PIK3C2B: variants seen among roughly 807,000 people sequenced by gnomAD.
The protein encoded by PIK3C2B is phosphatidylinositol 4-phosphate 3-kinase C2 domain-containing subunit beta.
PIK3C2B carries 83 observed loss-of-function variants against 184.3 expected under a neutral mutation model. That is an observed-to-expected ratio of 0.45 (90% CI 0.38 to 0.54). PIK3C2B has a LOEUF of 0.54. Among genes scored for constraint, PIK3C2B ranks in the 20% least tolerant of loss-of-function variants. The probability of loss-of-function intolerance (pLI) is 0.00; values close to 1 mark genes in which losing one functional copy is unlikely to be tolerated. For synonymous variants in PIK3C2B, 779 were observed against 837.6 expected (o/e 0.93, Z 1.21); for missense variants, 1,736 against 2,113.5 (o/e 0.82, Z 3.50).
chr1:204,447,552 G>T lies in PIK3C2B; in HGVS notation c.2373C>A (p.Asp791Glu). Reference protein sequence around the residue: ...LQIDFPTSAFDIKFTSPPGDK... With the variant: ...LQIDFPTSAFEIKFTSPPGDK... ...CTCCAGGGGGGCTGGTGAACTTGAT[G>T]TCAAAGGCCGAGGTGGGGAAGTCAA... The change falls in exon 15 of 33, where the codon GAC becomes GAA. Residue 791 changes from aspartate (D) to glutamate (E), a missense_variant. Asp to Glu is a conservative substitution (Grantham distance 45, BLOSUM62 2). Transcript: ENST00000684373. This position sits in a 1 kb window ranked among gnomAD's most constrained non-coding sequence, Gnocchi z 4.1. 1 of 1,611,472 alleles carries T rather than the reference G, an allele frequency of 6.2e-7. No homozygotes were observed. Among genetic ancestry groups the T allele is most frequent in the Non-Finnish European group, 8.5e-7 (1 of 1,178,988 alleles).
chr1:204,461,586 C>A (rs1049723044), intron 5 of PIK3C2B, among the ~76,000 whole-genome samples: 1 of 152,146 alleles, frequency 6.6e-6, no homozygotes, highest in Non-Finnish European at 1.5e-5. Flanking sequence ...TAAAAGCTGG[C>A]GGAGGTGCAG....
chr1:204,422,819 A>C lies in PIK3C2B; in HGVS notation c.*2033T>G. 1 of 152,456 alleles carries C rather than the reference A, an allele frequency of 6.6e-6. No homozygotes were observed. The highest frequency in any genetic ancestry group is 2.1e-4 in the South Asian group (1 of 4,806). The allele number at this position is 152,456 out of a possible 1,614,324, so 9.4% of individuals were successfully genotyped here. A position where few individuals can be genotyped will look rare whatever the true frequency, so the allele number is the denominator to read the frequency against. On this transcript the variant is annotated 3_prime_UTR_variant, in exon 33 of 33. Transcript: ENST00000684373. ...TGGTCCGTTCATCTGGAAAAGTTTCACCGCCCACTCCCCACTCCTCTTCCC... is the reference window on the plus strand; with the variant it reads ...TGGTCCGTTCATCTGGAAAAGTTTCCCCGCCCACTCCCCACTCCTCTTCCC...
rs772234681 is a variant in PIK3C2B, at chr1:204,446,005, G to C, written c.2629C>G (p.Gln877Glu). 1.3e-6 allele frequency: 2 copies of C among 1,596,042 alleles called. No individual in the cohort carries two copies. The highest frequency in any genetic ancestry group is 1.7e-6 in the Non-Finnish European group (2 of 1,168,018). Residue 877 changes from glutamine to glutamate, a missense_variant, in exon 16 of 33, where the codon CAG becomes GAG. This residue lies in a region of PIK3C2B where 609 missense variants were observed against 699.2 expected (regional missense o/e 0.87). Coordinates refer to ENST00000684373, the MANE Select transcript of PIK3C2B (RefSeq NM_001377334.1). ...TCCTGGTGGTTCATGTGGGTCCACT[G>C]CTTCAGGAGAACATAGATGTCAGGC... ...CLPDIYVLLK[Q>E]WTHMNHQDAL...
intron 1 of PIK3C2B, among the ~76,000 whole-genome samples, chr1:204,487,332 T>C (rs1180791301): frequency 6.6e-6 from 1 of 152,244 alleles, no homozygotes; most frequent in African/African-American, 2.4e-5. Context: ...ATTCTTACTT[T>C]TATCATTTCA....
At chr1:204,442,841 G>C (rs1231732667) in intron 19 of PIK3C2B, among the ~76,000 whole-genome samples, 3 of 152,248 alleles carry the variant, frequency 2.0e-5, no homozygotes, top group East Asian at 3.8e-4. Flanking sequence ...AATAGCTCTA[G>C]AGGGGAGCAG....
intron 29 of PIK3C2B, among the ~76,000 whole-genome samples, chr1:204,428,731 C>T (rs2103465030): frequency 6.6e-6 from 1 of 152,264 alleles, no homozygotes; most frequent in Admixed American, 6.5e-5. Flanking sequence ...GATCCACCTG[C>T]CTCGGCCTCC....
At chr1:204,431,613 G>C in intron 28 of PIK3C2B, 56 bp downstream of exon 28, 3 of 1,605,750 alleles carry the variant, frequency 1.9e-6, no homozygotes, top group Non-Finnish European at 2.6e-6. Flanking sequence ...CTCCCATCCC[G>C]TATCCTTTCC....
At chr1:204,481,308 G>A (rs1419244237) in intron 1 of PIK3C2B, among the ~76,000 whole-genome samples, 2 of 132,046 alleles carry the variant, frequency 1.5e-5, no homozygotes, top group African/African-American at 5.8e-5. Context: ...TCGCTCTGTC[G>A]CCCAGGCTGA....
rs1674642546 is a variant in PIK3C2B, at chr1:204,424,508, T to C, written c.*344A>G. ...TTTTTTAAAAATAAAAATTAAGATA[T>C]CCACCCACCCACCCCCAAAATGCTA... On this transcript the variant is annotated 3_prime_UTR_variant, in exon 33 of 33. Coordinates refer to ENST00000684373, the MANE Select transcript of PIK3C2B (RefSeq NM_001377334.1). The C allele has an allele frequency of 2.8e-6, 1 of 358,434 alleles. No homozygotes were observed. The highest frequency in any genetic ancestry group is 2.3e-5 in the South Asian group (1 of 42,892). The allele number at this position is 358,434 out of a possible 1,614,324, so 22.2% of individuals were successfully genotyped here. A position where few individuals can be genotyped will look rare whatever the true frequency, so the allele number is the denominator to read the frequency against.
At chr1:204,428,950 G>A (rs752407336) in intron 29 of PIK3C2B, 15 of 454,078 alleles carry the variant, frequency 3.3e-5, no homozygotes, top group Admixed American at 2.1e-4. Flanking sequence ...CAGGCCGAGC[G>A]CAGTGGTTCA....
chr1:204,481,116 CCA>C, intron 1 of PIK3C2B, among the ~76,000 whole-genome samples: 1 of 151,598 alleles, frequency 6.6e-6, no homozygotes, highest in African/African-American at 2.4e-5. Context: ...TACATACACA[CCA>C]CACACCTCCC....
At chr1:204,441,392 G>C (rs1675652006) in intron 21 of PIK3C2B, 79 bp downstream of exon 21, 2 of 829,402 alleles carry the variant, frequency 2.4e-6, no homozygotes, top group Non-Finnish European at 4.1e-6. Flanking sequence ...GAACCACCCA[G>C]GGGCTACTTA....
chr1:204,493,378 AAAC>A (rs1228930698), intron 1 of PIK3C2B, among the ~76,000 whole-genome samples: 1 of 152,074 alleles, frequency 6.6e-6, no homozygotes, highest in Non-Finnish European at 1.5e-5. Context: ...AGTTGAGAAA[AAAC>A]AGCCCAAGAG....
At chr1:204,465,167 C>CACCCCCAACCCCCAA in intron 3 of PIK3C2B, 52 bp downstream of exon 3, 3 of 760,388 alleles carry the variant, frequency 3.9e-6, no homozygotes, top group African/African-American at 1.8e-5. Context: ...GATGGCCCCC[C>CACCCCCAACCCCCAA]TCCCCATCCC....
At chr1:204,431,589 G>A (rs1675059209) in intron 28 of PIK3C2B, 80 bp downstream of exon 28, 5 of 1,559,144 alleles carry the variant, frequency 3.2e-6, no homozygotes, top group South Asian at 1.1e-5. Flanking sequence ...TTCTGCCCCT[G>A]CAGCCCTGAC....
At chr1:204,457,957 G>A in intron 8 of PIK3C2B, 83 bp from the exon 9 acceptor site, 1 of 1,266,260 alleles carries the variant, frequency 7.9e-7, no homozygotes, top group Non-Finnish European at 1.1e-6. Context: ...AGTCTTTAAA[G>A]GAAAGGGTTG....
intron 12 of PIK3C2B, among the ~76,000 whole-genome samples, chr1:204,453,491 C>T (rs1654548945): frequency 6.6e-6 from 1 of 152,154 alleles, no homozygotes; most frequent in South Asian, 2.1e-4. Context: ...AACCAATGTC[C>T]CCATTTCTCA....
rs767251763 is a variant in PIK3C2B at position 204,446,164 on chromosome 1, G to A, written c.2490-20C>T. ...GTGAGCCTGGTGGGCACACGGAAAG[G>A]AGAAGGTGGTGGGAGGGTAGGGGGC... On this transcript the variant is annotated intron_variant, in intron 15 of 32. Coordinates refer to ENST00000684373, the MANE Select transcript of PIK3C2B (RefSeq NM_001377334.1). 25 of 1,523,292 alleles carry A rather than the reference G, an allele frequency of 1.6e-5. No homozygotes were observed. Among genetic ancestry groups the A allele is most frequent in the Non-Finnish European group, 2.0e-5 (23 of 1,127,576 alleles). The allele number at this position is 1,523,292 out of a possible 1,614,324, so 94.4% of individuals were successfully genotyped here.
At position 204,454,617 on chromosome 1, in the gene PIK3C2B, G is replaced by A. The variant is rs747914950; in HGVS notation, c.2066+52C>T. The A allele has an allele frequency of 1.9e-6, 3 of 1,598,618 alleles. No homozygotes were observed. The South Asian group carries it at 3.3e-5, about 18-fold the overall frequency. ...ATCTGGCCCCAGGGATATTTCAGAG[G>A]CTGAGCAGGTCTACAGTGGCCTGGG... On this transcript the variant is annotated intron_variant, in intron 12 of 32. Coordinates refer to ENST00000684373, the MANE Select transcript of PIK3C2B (RefSeq NM_001377334.1).
Sources: allele counts gnomAD v4.1 joint callset (sites outside exome capture counted in the v4.1 genomes callset), GRCh38; gene constraint gnomAD v4.1.1; regional missense constraint gnomAD v4.1.1; non-coding constraint Gnocchi (gnomAD v3.1); transcripts MANE v1.5; gene names NCBI Gene and HGNC (gene_info 2026-07-23, HGNC 2026-07-21).